ADGRG6: variants seen among roughly 807,000 people sequenced by gnomAD.
ADGRG6 encodes the protein G-protein coupled receptor 126.
In ADGRG6, 84 loss-of-function variants were observed where a neutral mutation model predicts 142.4. The ratio of observed to expected loss-of-function variants is 0.59; its 90% CI spans 0.49 to 0.71. ADGRG6 has a LOEUF of 0.71. Among genes scored for constraint, ADGRG6 ranks in the 30% least tolerant of loss-of-function variants. The pLI, the probability that ADGRG6 is intolerant of heterozygous loss-of-function variation, is 0.00. For missense variants in ADGRG6, 1,367 were observed against 1,466.6 expected (o/e 0.93, Z 1.11); for synonymous variants, 521 against 520.5 (o/e 1.00, Z -0.01).
intron 14 of ADGRG6, 100 bp from the exon 15 acceptor site, chr6:142,405,588 T>G: frequency 1.1e-6 from 1 of 943,632 alleles, no homozygotes; most frequent in Non-Finnish European, 1.7e-6. Flanking sequence ...CTGGCTAATT[T>G]GAACTTGCAA....
At chr6:142,433,028 G>T (rs1777290004) in intron 22 of ADGRG6, among the ~76,000 whole-genome samples, 2 of 152,202 alleles carry the variant, frequency 1.3e-5, no homozygotes, top group Admixed American at 1.3e-4. Context: ...AGGAACAAAA[G>T]ACCTTCGTTG....
At position 142,302,296 on chromosome 6, in the gene ADGRG6, C is replaced by G; in HGVS notation, c.-34C>G. ...GGGAAAGTGGTGGAGGATGATCTTG[C>G]GGCCAAAGGGGACCTCGGCGCAGTA... On this transcript the variant is annotated 5_prime_UTR_variant, in exon 1 of 25. Transcript: ENST00000367609. The G allele has an allele frequency of 6.2e-7, 1 of 1,610,292 alleles. No homozygotes were observed.
At chr6:142,316,781 A>G (rs1162536612) in intron 2 of ADGRG6, among the ~76,000 whole-genome samples, 2 of 152,214 alleles carry the variant, frequency 1.3e-5, no homozygotes, top group East Asian at 3.9e-4. Flanking sequence ...CTAGACTTTT[A>G]GAGATAATTT....
intron 17 of ADGRG6, among the ~76,000 whole-genome samples, chr6:142,411,030 T>C (rs1379604521): frequency 1.3e-5 from 2 of 152,136 alleles, no homozygotes; most frequent in African/African-American, 2.4e-5. Context: ...TTTTAAAATA[T>C]GTTAAAAATT....
intron 22 of ADGRG6, among the ~76,000 whole-genome samples, 198 bp downstream of exon 22, chr6:142,420,302 A>G (rs1776598227): frequency 6.6e-6 from 1 of 152,182 alleles, no homozygotes; most frequent in Non-Finnish European, 1.5e-5. Flanking sequence ...TTGCCTTTTT[A>G]TCAGTGGTAT....
intron 22 of ADGRG6, among the ~76,000 whole-genome samples, chr6:142,430,489 G>A (rs1381329308): frequency 6.6e-6 from 1 of 152,136 alleles, no homozygotes; most frequent in Non-Finnish European, 1.5e-5. Context: ...AAAGATATGA[G>A]AACATCCCTT....
intron 2 of ADGRG6, among the ~76,000 whole-genome samples, chr6:142,326,394 C>T (rs1364704502): frequency 6.6e-6 from 1 of 151,734 alleles, no homozygotes; most frequent in Admixed American, 6.6e-5. Context: ...TCAAAACTCC[C>T]ATACAAAAAG....
rs1181314373 is a variant in ADGRG6, at chr6:142,338,017, G to GTT, written c.103+28393_103+28394dup. 4.4e-3 allele frequency among the ~76,000 whole-genome samples: 157 copies of GTT among 35,340 alleles called. 29 individuals are homozygous for GTT. Among genetic ancestry groups the GTT allele is most frequent in the South Asian group, 0.015 (12 of 780 alleles). The allele number at this position is 35,340 out of a possible 152,430, so 23.2% of individuals were successfully genotyped here. ...AATCCTTTTTATGCCTTGTATCTTTGTTTTTTTTTTTTTTTTTTTTTGAGA... is the reference window on the plus strand; with the variant it reads ...AATCCTTTTTATGCCTTGTATCTTTGTTTTTTTTTTTTTTTTTTTTTTTGAGA... On this transcript the variant is annotated intron_variant, in intron 2 of 24. Transcript: ENST00000367609.
intron 2 of ADGRG6, among the ~76,000 whole-genome samples, chr6:142,320,030 C>T (rs752650288): frequency 1.3e-4 from 19 of 151,900 alleles, no homozygotes; most frequent in South Asian, 2.1e-4. Flanking sequence ...AGTTTGTTCA[C>T]GTGGAGGTAA....
At chr6:142,430,618 T>C (rs910463566) in intron 22 of ADGRG6, among the ~76,000 whole-genome samples, 3 of 152,240 alleles carry the variant, frequency 2.0e-5, no homozygotes, top group Admixed American at 6.5e-5. Context: ...TGTATCTTTT[T>C]CCCCCGAATA....
chr6:142,362,543 G>C (rs988155735), intron 2 of ADGRG6, among the ~76,000 whole-genome samples: 2 of 152,196 alleles, frequency 1.3e-5, no homozygotes, highest in Non-Finnish European at 2.9e-5. Flanking sequence ...GAGCGGTGAG[G>C]GTGGTGGGGA....
intron 24 of ADGRG6, among the ~76,000 whole-genome samples, chr6:142,442,697 T>C (rs971776291): frequency 6.6e-5 from 10 of 152,096 alleles, no homozygotes; most frequent in African/African-American, 2.4e-4. Context: ...GTACCCTTTT[T>C]GCTATTTTCC....
chr6:142,406,995 CATT>C (rs996385188), intron 15 of ADGRG6, among the ~76,000 whole-genome samples: 11 of 152,016 alleles, frequency 7.2e-5, no homozygotes, highest in African/African-American at 2.7e-4. Context: ...TTCTCCATAT[CATT>C]GTTTCCTTCT....
At chr6:142,306,485 A>ACACT in intron 1 of ADGRG6, among the ~76,000 whole-genome samples, 1 of 152,300 alleles carries the variant, frequency 6.6e-6, no homozygotes, top group Admixed American at 6.5e-5. Flanking sequence ...TTTGGCTCTG[A>ACACT]CACCACTGAT....
At chr6:142,305,734 G>A (rs1202422225) in intron 1 of ADGRG6, among the ~76,000 whole-genome samples, 2 of 152,000 alleles carry the variant, frequency 1.3e-5, no homozygotes, top group Non-Finnish European at 2.9e-5. Context: ...ACCTATGTAT[G>A]TAATTCTTAA....
At chr6:142,381,878 A>C in intron 4 of ADGRG6, 73 bp from the exon 5 acceptor site, 13 of 926,428 alleles carry the variant, frequency 1.4e-5, no homozygotes, top group Non-Finnish European at 2.1e-5. Context: ...CTATTACATC[A>C]ACCGTATGAT....
intron 9 of ADGRG6, 56 bp from the exon 10 acceptor site, chr6:142,397,556 CA>C: frequency 2.6e-6 from 4 of 1,543,454 alleles, no homozygotes; most frequent in Non-Finnish European, 3.5e-6. Context: ...TTTCTCCTAC[CA>C]AATGACAAGC....
At chr6:142,323,052 T>C (rs1778592869) in intron 2 of ADGRG6, among the ~76,000 whole-genome samples, 1 of 152,012 alleles carries the variant, frequency 6.6e-6, no homozygotes. Context: ...GTTGAAAGCA[T>C]CAGTCAAGAC....
chr6:142,358,212 GT>G (rs1367677406), intron 2 of ADGRG6, among the ~76,000 whole-genome samples: 3 of 152,146 alleles, frequency 2.0e-5, no homozygotes, highest in African/African-American at 7.2e-5. Context: ...TGCTGCCTAG[GT>G]AATCCATATG....
Sources: allele counts gnomAD v4.1 joint callset (sites outside exome capture counted in the v4.1 genomes callset), GRCh38; gene constraint gnomAD v4.1.1; transcripts MANE v1.5; gene names NCBI Gene and HGNC (gene_info 2026-07-23, HGNC 2026-07-21).